KMT2C: variants seen among roughly 807,000 people sequenced by gnomAD.
KMT2C encodes the protein lysine methyltransferase 2C.
A neutral mutation model predicts 507.9 loss-of-function variants in KMT2C; 88 were observed. The observed-to-expected ratio is 0.17, with a 90% CI of 0.15 to 0.21. The LOEUF (loss-of-function observed/expected upper bound fraction) is 0.21. KMT2C is among the 10% of genes least tolerant of loss of function. The pLI is 1.00. For missense variants in KMT2C, 4,954 were observed against 5,957.8 expected (o/e 0.83, Z 5.55); for synonymous variants, 2,049 against 2,080.8 (o/e 0.98, Z 0.42).
At chr7:152,417,644 TG>T (rs1428055768) in intron 1 of KMT2C, among the ~76,000 whole-genome samples, 1 of 151,976 alleles carries the variant, frequency 6.6e-6, no homozygotes, top group Admixed American at 6.6e-5. Flanking sequence ...AATGCTTTTT[TG>T]TTGTTGTTGT....
intron 28 of KMT2C, 150 bp downstream of exon 28, chr7:152,195,757 A>G (rs2129130696): frequency 2.0e-6 from 1 of 498,164 alleles, no homozygotes; most frequent in Middle Eastern, 3.3e-4. Flanking sequence ...AAGCTGAGGC[A>G]GATCAAAGAA....
rs536330334 is a variant in KMT2C at position 152,366,808 on chromosome 7, G to C, written c.162-8133C>G. On this transcript the variant is annotated intron_variant, in intron 1 of 58. Transcript: ENST00000262189. ...CAGCCCTTCCGTGTCCGCAGGCTTC[G>C]GCCCGGCCGCCGCCGCCCATCAGCT... The C allele has an allele frequency of 1.3e-5, 3 of 224,158 alleles. No individual in the cohort carries two copies. The Admixed American group carries it at 1.7e-4, about 13-fold the overall frequency. The allele number at this position is 224,158 out of a possible 1,614,324, so 13.9% of individuals were successfully genotyped here. A position where few individuals can be genotyped will look rare whatever the true frequency, so the allele number is the denominator to read the frequency against.
chr7:152,428,828 GTCAT>G (rs1287963613), intron 1 of KMT2C, among the ~76,000 whole-genome samples: 1 of 152,098 alleles, frequency 6.6e-6, no homozygotes, highest in Non-Finnish European at 1.5e-5. Context: ...AGTGTCAGTT[GTCAT>G]TCAGATTCTT....
At chr7:152,250,409 C>T (rs2095545288) in intron 12 of KMT2C, among the ~76,000 whole-genome samples, 1 of 151,994 alleles carries the variant, frequency 6.6e-6, no homozygotes, top group African/African-American at 2.4e-5. Flanking sequence ...TCCAGATCTG[C>T]AAGTACAATA....
At position 152,162,960 on chromosome 7, in the gene KMT2C, A is replaced by G. The variant is rs772560540; in HGVS notation, c.10617T>C (p.Leu3539=). ...GGGACTGCTGGAAGCTGGTCCCAGA[A>G]AGATTTCCATGTCCCTGCTTCACAG... ...FSSVKQGHGN[L]SGTSFQQSPV... Residue 3539 remains leucine (L), a synonymous_variant, in exon 43 of 59, where the codon CTT becomes CTC. Transcript: ENST00000262189. 9 of 1,614,090 alleles carry G rather than the reference A, an allele frequency of 5.6e-6. No homozygotes were observed. In the African/African-American group the frequency reaches 1.2e-4, roughly 22 times the overall value.
intron 9 of KMT2C, among the ~76,000 whole-genome samples, chr7:152,257,962 T>C (rs1339218274): frequency 1.3e-5 from 2 of 152,176 alleles, no homozygotes; most frequent in African/African-American, 2.4e-5. Flanking sequence ...CTGGACCACA[T>C]GTAGCCTGCG....
chr7:152,186,455 T>A (rs527553995), intron 33 of KMT2C, among the ~76,000 whole-genome samples: 2 of 152,332 alleles, frequency 1.3e-5, no homozygotes, highest in South Asian at 4.2e-4. Context: ...TCTCCCTGCA[T>A]CAAACCACTG....
intron 15 of KMT2C, 104 bp from the exon 16 acceptor site, chr7:152,236,037 A>G (rs2095265589): frequency 3.1e-6 from 2 of 643,076 alleles, no homozygotes; most frequent in African/African-American, 1.8e-5. Flanking sequence ...TTACACAAAC[A>G]CTTCCTTAGA....
chr7:152,228,969 C>G (rs2095023705), intron 18 of KMT2C, among the ~76,000 whole-genome samples: 1 of 152,062 alleles, frequency 6.6e-6, no homozygotes, highest in Non-Finnish European at 1.5e-5. Flanking sequence ...TCACAAAAAC[C>G]TGTATTACCC....
intron 1 of KMT2C, among the ~76,000 whole-genome samples, chr7:152,397,427 A>G (rs1696603005): frequency 6.6e-6 from 1 of 152,054 alleles, no homozygotes. Context: ...CCTGGTTTAT[A>G]ACCTTCTAAG....
intron 23 of KMT2C, among the ~76,000 whole-genome samples, chr7:152,219,776 C>A (rs2094707526): frequency 6.6e-6 from 1 of 151,880 alleles, no homozygotes; most frequent in South Asian, 2.1e-4. Context: ...CTGAGCAGAG[C>A]AGATGGTTTG....
Position 152,162,704 on chromosome 7 carries a change from G to A in KMT2C, c.10873C>T (p.Pro3625Ser), listed in dbSNP as rs1187987971. Residue 3625 changes from proline (P) to serine (S), a missense_variant, in exon 43 of 59, where the codon CCC becomes TCC. By Grantham distance (74) the Pro-to-Ser change is moderately conservative. This residue lies in a region of KMT2C where 801 missense variants were observed against 751.2 expected (regional missense o/e 1.07). Transcript: ENST00000262189. ...DAESTKAPST[P>S]HSDITAPPTP... ...GGTGGGGCAGTTATATCTGAATGGGGAGTTGATGGAGCCTTGGTGGATTCT... is the reference window on the plus strand; with the variant it reads ...GGTGGGGCAGTTATATCTGAATGGGAAGTTGATGGAGCCTTGGTGGATTCT... 1 of 1,614,192 alleles carries A rather than the reference G, an allele frequency of 6.2e-7. No individual in the cohort carries two copies. The highest frequency in any genetic ancestry group is 1.7e-5 in the Admixed American group (1 of 60,016).
At chr7:152,375,654 G>A (rs971916259) in intron 1 of KMT2C, among the ~76,000 whole-genome samples, 1 of 152,084 alleles carries the variant, frequency 6.6e-6, no homozygotes, top group Non-Finnish European at 1.5e-5. Flanking sequence ...CCAAGTGCTG[G>A]GATTACAGGT....
chr7:152,166,807 A>C (rs1285959413), intron 42 of KMT2C, among the ~76,000 whole-genome samples: 1 of 152,214 alleles, frequency 6.6e-6, no homozygotes, highest in East Asian at 1.9e-4. Context: ...GTATAACAGA[A>C]ACATGGTCTT....
chr7:152,147,815 C>T (rs112272943), intron 52 of KMT2C, among the ~76,000 whole-genome samples: 79 of 151,946 alleles, frequency 5.2e-4, no homozygotes, highest in Middle Eastern at 3.4e-3. Flanking sequence ...CTCACCAACT[C>T]GTATGTTCAA....
chr7:152,393,370 C>T (rs554050255), intron 1 of KMT2C, among the ~76,000 whole-genome samples: 42 of 152,142 alleles, frequency 2.8e-4, no homozygotes, highest in African/African-American at 9.4e-4. Flanking sequence ...AATTATATAA[C>T]AAATACTTAC....
At chr7:152,221,952 A>C (rs752121213) in intron 22 of KMT2C, 49 bp downstream of exon 22, 1 of 1,435,550 alleles carries the variant, frequency 7.0e-7, no homozygotes, top group Admixed American at 1.9e-5. Flanking sequence ...TTATGTAAAA[A>C]TTAAGCAAAG....
At chr7:152,186,024 T>A (rs1339357036) in intron 33 of KMT2C, among the ~76,000 whole-genome samples, 1 of 152,112 alleles carries the variant, frequency 6.6e-6, no homozygotes, top group Non-Finnish European at 1.5e-5. Flanking sequence ...AACAAAGTCA[T>A]AAATAAGCAT....
In KMT2C at chr7:152,224,491, G is replaced by A. The variant is rs1364641260; in HGVS notation, c.3102C>T (p.Thr1034=). The A allele has an allele frequency of 2.5e-6, 4 of 1,611,884 alleles. No homozygotes were observed. The highest frequency in any genetic ancestry group is 2.2e-5 in the East Asian group (1 of 44,874). The change falls in exon 19 of 59, where the codon ACC becomes ACT. Residue 1034 remains threonine, a synonymous_variant. Coordinates refer to ENST00000262189, the MANE Select transcript of KMT2C (RefSeq NM_170606.3). ...TCTGCAATGGAGGGTCTAGGCAGTAGGTGTGATAACTTATGTCACAGTCAT... is the reference window on the plus strand; with the variant it reads ...TCTGCAATGGAGGGTCTAGGCAGTAAGTGTGATAACTTATGTCACAGTCAT... ...LCDDCDISYH[T]YCLDPPLQTV...
Sources: allele counts gnomAD v4.1 joint callset (sites outside exome capture counted in the v4.1 genomes callset), GRCh38; gene constraint gnomAD v4.1.1; regional missense constraint gnomAD v4.1.1; transcripts MANE v1.5; gene names NCBI Gene and HGNC (gene_info 2026-07-23, HGNC 2026-07-21).